The following FHOD3 variants were observed in gnomAD, a reference collection of about 807,000 sequenced individuals.
FHOD3 encodes formin homology 2 domain containing 3.
FHOD3 carries 90 observed loss-of-function variants against 173.0 expected under a neutral mutation model. The observed-to-expected ratio is 0.52, with a 90% CI of 0.44 to 0.62. FHOD3 has a LOEUF of 0.62. Among genes scored for constraint, FHOD3 ranks in the 20% least tolerant of loss-of-function variants. FHOD3 has a pLI of 0.00. For missense variants in FHOD3, 1,945 were observed against 2,034.7 expected, an observed-to-expected ratio of 0.96 and a Z score of 0.85; for synonymous variants, 828 against 823.0, an observed-to-expected ratio of 1.01 and a Z score of -0.10.
At chr18:36,759,204 A>G (rs1334678901) in intron 26 of FHOD3, 63 bp downstream of exon 26, 1 of 1,463,008 alleles carries the variant, frequency 6.8e-7, no homozygotes, top group East Asian at 2.5e-5. Flanking sequence ...CTCTGGTCTA[A>G]CCTAACATAA....
intron 26 of FHOD3, among the ~76,000 whole-genome samples, chr18:36,760,099 C>T (rs1214145319): frequency 1.3e-5 from 2 of 152,124 alleles, no homozygotes; most frequent in East Asian, 3.8e-4. Flanking sequence ...GAATTCTTCC[C>T]AACTCTTAAC....
chr18:36,528,110 T>C (rs1264637123), intron 5 of FHOD3, among the ~76,000 whole-genome samples: 1 of 152,184 alleles, frequency 6.6e-6, no homozygotes, highest in African/African-American at 2.4e-5. Context: ...TTACAGTGCC[T>C]GGTGCATGGC....
chr18:36,584,122 C>A (rs566374345), intron 6 of FHOD3, among the ~76,000 whole-genome samples: 1 of 152,270 alleles, frequency 6.6e-6, no homozygotes, highest in East Asian at 1.9e-4. Context: ...GCCAGCATGC[C>A]CAGCCTGAGT....
chr18:36,620,344 T>C (rs1265268997), intron 9 of FHOD3, among the ~76,000 whole-genome samples: 4 of 152,210 alleles, frequency 2.6e-5, no homozygotes, highest in Non-Finnish European at 4.4e-5. Context: ...TCTCAAGTTA[T>C]CAAACTCCTA....
chr18:36,317,711 GC>G (rs1233757738), intron 1 of FHOD3, among the ~76,000 whole-genome samples: 1 of 152,176 alleles, frequency 6.6e-6, no homozygotes, highest in African/African-American at 2.4e-5. Flanking sequence ...CTTTTGCTGT[GC>G]AGAAGCTCTT....
At chr18:36,690,579 G>A (rs2038900601) in intron 16 of FHOD3, among the ~76,000 whole-genome samples, 3 of 152,066 alleles carry the variant, frequency 2.0e-5, no homozygotes, top group East Asian at 1.9e-4. Flanking sequence ...AGGAGGGGTC[G>A]CTAAGCTGTA....
chr18:36,693,556 G>C, intron 17 of FHOD3, 133 bp downstream of exon 17: 1 of 832,974 alleles, frequency 1.2e-6, no homozygotes, highest in South Asian at 1.8e-5. Flanking sequence ...TGGGGGAGGG[G>C]GGTTGTGACT....
chr18:36,522,745 C>T (rs2056334801), intron 5 of FHOD3, among the ~76,000 whole-genome samples: 1 of 152,174 alleles, frequency 6.6e-6, no homozygotes, highest in Admixed American at 6.5e-5. Flanking sequence ...AGAGCCATGC[C>T]ATGGCTGTGT....
chr18:36,626,633 A>G (rs2034130535), intron 10 of FHOD3, among the ~76,000 whole-genome samples: 1 of 152,118 alleles, frequency 6.6e-6, no homozygotes, highest in Non-Finnish European at 1.5e-5. Flanking sequence ...ACACATTCCC[A>G]TCCTGCTGCT....
At chr18:36,622,229 G>A (rs2033769502) in intron 9 of FHOD3, among the ~76,000 whole-genome samples, 1 of 152,170 alleles carries the variant, frequency 6.6e-6, no homozygotes, top group Non-Finnish European at 1.5e-5. Flanking sequence ...TTTTAGTAAT[G>A]CAAGATGAAT....
rs183553073 is a variant in FHOD3, at chr18:36,644,101, C to T, written c.1197-5215C>T. On this transcript the variant is annotated intron_variant, in intron 10 of 28. Transcript: ENST00000590592. ...CTGGGTTGCTTTTCCAACTTGAAAA[C>T]GGTGACCTCAAATCTGGGACTGTTT... is the stretch of plus-strand genomic sequence containing the variant. 1.1e-3 allele frequency among the ~76,000 whole-genome samples: 170 copies of T among 152,234 alleles called. 1 individual carries two copies. The highest frequency in any genetic ancestry group is 3.8e-3 in the African/African-American group (159 of 41,558).
At chr18:36,628,755 C>A (rs2034295538) in intron 10 of FHOD3, among the ~76,000 whole-genome samples, 1 of 152,202 alleles carries the variant, frequency 6.6e-6, no homozygotes, top group Non-Finnish European at 1.5e-5. Context: ...TAGCCCAAAG[C>A]AGGAGCCCTT....
chr18:36,710,337 T>G (rs574314769), intron 18 of FHOD3: 1 of 152,352 alleles, frequency 6.6e-6, no homozygotes, highest in African/African-American at 2.4e-5. Flanking sequence ...AAGCTACATA[T>G]GAGTGGCACC....
intron 3 of FHOD3, among the ~76,000 whole-genome samples, chr18:36,417,857 T>C: frequency 6.6e-6 from 1 of 152,232 alleles, no homozygotes. Context: ...TTGGCCTTAA[T>C]TTCTTTTACC....
rs114271930 is a variant in FHOD3 at position 36,691,112 on chromosome 18, G to A, written c.2022-2097G>A. ...TGGCCCCTGGAGTCTCCCAGAAAGT[G>A]GGTTAAACCCTTTGGCTCCCCACAA... On this transcript the variant is annotated intron_variant, in intron 16 of 28. Transcript: ENST00000590592. Among the ~76,000 whole-genome samples, 664 of 152,256 alleles carry A rather than the reference G, an allele frequency of 4.4e-3. 6 individuals are homozygous for A. Among genetic ancestry groups the A allele is most frequent in the African/African-American group, 0.015 (614 of 41,552 alleles).
chr18:36,406,890 C>T (rs2049102260), intron 3 of FHOD3, among the ~76,000 whole-genome samples: 1 of 152,170 alleles, frequency 6.6e-6, no homozygotes, highest in Non-Finnish European at 1.5e-5. Flanking sequence ...CCCATCTGTC[C>T]ACCTGCTTAC....
At chr18:36,677,100 C>T (rs1298165968) in intron 14 of FHOD3, among the ~76,000 whole-genome samples, 1 of 151,574 alleles carries the variant, frequency 6.6e-6, no homozygotes, top group Non-Finnish European at 1.5e-5. Flanking sequence ...TTGTCTTTTA[C>T]ATTTTTCACT....
At chr18:36,423,056 T>C (rs2050065962) in intron 3 of FHOD3, among the ~76,000 whole-genome samples, 1 of 152,082 alleles carries the variant, frequency 6.6e-6, no homozygotes, top group Admixed American at 6.6e-5. Context: ...CCTGGAGCTC[T>C]GCTTCCTGGA....
intron 1 of FHOD3, among the ~76,000 whole-genome samples, chr18:36,339,453 G>A (rs2045497178): frequency 6.6e-6 from 1 of 152,198 alleles, no homozygotes; most frequent in Admixed American, 6.5e-5. Flanking sequence ...CTCTGCACTT[G>A]GAATTTAATG....
Sources: gnomAD v4.1 joint callset for allele counts (sites outside exome capture counted in the v4.1 genomes callset) on GRCh38, gnomAD v4.1.1 for gene constraint, MANE v1.5 for transcripts, NCBI Gene and HGNC (gene_info 2026-07-23, HGNC 2026-07-21) for gene names.